NAV3: variants seen among roughly 807,000 people sequenced by gnomAD.
NAV3 encodes the protein pore membrane and/or filament interacting like protein 1.
A neutral mutation model predicts 244.7 loss-of-function variants in NAV3; 87 were observed. That is an observed-to-expected ratio of 0.36 (90% CI 0.30 to 0.42). The LOEUF (loss-of-function observed/expected upper bound fraction) is 0.42, where lower values mean the gene tolerates loss of function less well. Ranked by LOEUF, NAV3 falls within the 20% of genes least tolerant of loss-of-function variation. The pLI, the probability that NAV3 is intolerant of heterozygous loss-of-function variation, is 1.00. For synonymous variants in NAV3, 1,126 were observed against 1,042.2 expected, an observed-to-expected ratio of 1.08 and a Z score of -1.55; for missense variants, 2,663 against 2,893.3, an observed-to-expected ratio of 0.92 and a Z score of 1.83.
At chr12:77,988,344 A>C (rs547217112) in intron 5 of NAV3, among the ~76,000 whole-genome samples, 1 of 152,306 alleles carries the variant, frequency 6.6e-6, no homozygotes, top group African/African-American at 2.4e-5. Context: ...TTACCTTAAA[A>C]AGCTTTCTTT....
Position 78,126,737 on chromosome 12 carries a change from G to A in NAV3, c.4239-430G>A, listed in dbSNP as rs147095662. Among the ~76,000 whole-genome samples, 363 of 152,204 alleles carry A rather than the reference G, an allele frequency of 2.4e-3. 3 individuals are homozygous for A. Among genetic ancestry groups the A allele is most frequent in the African/African-American group, 8.5e-3 (352 of 41,534 alleles). ...AAAATAATTTGAAGACAAAAGATAA[G>A]TATTAAACAATGTTTTATACCATCT... On this transcript the variant is annotated intron_variant, in intron 16 of 39. Transcript: ENST00000397909.
intron 12 of NAV3, among the ~76,000 whole-genome samples, chr12:78,115,857 G>A (rs1376230293): frequency 6.6e-6 from 1 of 152,114 alleles, no homozygotes; most frequent in African/African-American, 2.4e-5. Context: ...ACTCTATGAT[G>A]TTCTCACAAT....
At chr12:77,590,164 T>C (rs1052882729) in intron 2 of NAV3, among the ~76,000 whole-genome samples, 94 of 143,746 alleles carry the variant, frequency 6.5e-4, no homozygotes, top group Non-Finnish European at 7.5e-4. Context: ...GGAACCCCAG[T>C]AGAGGCTGTG....
rs137984656 is a variant in NAV3, at chr12:77,651,437, G to A, written c.72+79171G>A. Among the ~76,000 whole-genome samples, 490 of 151,830 alleles carry A rather than the reference G, an allele frequency of 3.2e-3. 23 individuals are homozygous for A. The highest frequency in any genetic ancestry group is 0.03 in the Admixed American group (455 of 15,232). ...TCCCGTGCCTTTTTTTTCTTCAACA[G>A]CTCTTACTGCTTATATGAATGATGA... On this transcript the variant is annotated intron_variant, in intron 2 of 8. Coordinates refer to the NAV3 transcript ENST00000550042.
At position 77,977,712 on chromosome 12, in the gene NAV3, GCACACACACACACACACA is replaced by G. The variant is rs540138192; in HGVS notation, c.671+9022_671+9039del. Among the ~76,000 whole-genome samples, 206 of 143,082 alleles carry G rather than the reference GCACACACACACACACACA, an allele frequency of 1.4e-3. 2 individuals carry two copies. The highest frequency in any genetic ancestry group is 5.0e-3 in the African/African-American group (196 of 39,260). 93.9% of individuals were successfully genotyped at this position (143,082 alleles called of 152,430 possible). A position where few individuals can be genotyped will look rare whatever the true frequency, so the allele number is the denominator to read the frequency against. ...TATACACACACACACACACACACGCGCACACACACACACACACACACACACACACTCTCTTCAGAATCA... is the reference window on the plus strand; with the variant it reads ...TATACACACACACACACACACACGCGCACACACACACTCTCTTCAGAATCA... On this transcript the variant is annotated intron_variant, in intron 5 of 39. Transcript: ENST00000397909.
rs552109153 is a variant in NAV3 at position 77,994,827 on chromosome 12, G to A, written c.696G>A (p.Gln232=). The A allele has an allele frequency of 1.9e-6, 3 of 1,611,100 alleles. No homozygotes were observed. Among genetic ancestry groups the A allele is most frequent in the Non-Finnish European group, 2.5e-6 (3 of 1,178,492 alleles). ...QSSLAARYAT[Q]SNHSGIATSQ... ...GTCTGGCAGCCAGATATGCAACTCA[G>A]TCTAATCACAGTGGAATTGCAACCA... Residue 232 remains glutamine (Q), a synonymous_variant, in exon 6 of 40, where the codon CAG becomes CAA. Transcript: ENST00000397909.
intron 1 of NAV3, among the ~76,000 whole-genome samples, chr12:77,935,760 C>T (rs1889262927): frequency 6.6e-6 from 1 of 152,102 alleles, no homozygotes; most frequent in Non-Finnish European, 1.5e-5. Flanking sequence ...GGTAGCATGG[C>T]TGGGGAGGCC....
intron 1 of NAV3, among the ~76,000 whole-genome samples, chr12:77,843,626 C>G (rs1309872628): frequency 1.3e-5 from 2 of 150,754 alleles, no homozygotes; most frequent in African/African-American, 4.9e-5. Context: ...TCAATATTAC[C>G]TAGAAGCCAC....
chr12:77,746,018 A>G (rs1411227444), intron 2 of NAV3, among the ~76,000 whole-genome samples: 2 of 150,262 alleles, frequency 1.3e-5, no homozygotes, highest in Admixed American at 6.7e-5. Context: ...GAACATGTCT[A>G]TCCTATAATC....
At chr12:77,899,021 G>T (rs1232471946) in intron 1 of NAV3, among the ~76,000 whole-genome samples, 1 of 152,320 alleles carries the variant, frequency 6.6e-6, no homozygotes, top group South Asian at 2.1e-4. Flanking sequence ...AAGAGCAAGA[G>T]AACTGAAATC....
intron 1 of NAV3, among the ~76,000 whole-genome samples, chr12:77,878,621 T>TATGG (rs1882180702): frequency 1.3e-5 from 2 of 151,664 alleles, no homozygotes; most frequent in Non-Finnish European, 2.9e-5. Context: ...GTACTGAGCA[T>TATGG]ATGGAAACTG....
chr12:78,041,864 C>T (rs577827297), intron 9 of NAV3, among the ~76,000 whole-genome samples: 58 of 152,156 alleles, frequency 3.8e-4, no homozygotes, highest in Non-Finnish European at 5.4e-4. Context: ...ATTATAGATA[C>T]GCATCTTGAC....
intron 1 of NAV3, among the ~76,000 whole-genome samples, chr12:77,888,392 G>A (rs1883544181): frequency 6.6e-6 from 1 of 152,068 alleles, no homozygotes; most frequent in Admixed American, 6.6e-5. Context: ...CAGGAGGATT[G>A]TTTTGGCCTA....
At chr12:78,039,284 A>T (rs1260442201) in intron 9 of NAV3, among the ~76,000 whole-genome samples, 1 of 152,130 alleles carries the variant, frequency 6.6e-6, no homozygotes, top group African/African-American at 2.4e-5. Flanking sequence ...TTACGACTCA[A>T]AATGGCCTCT....
chr12:77,807,724 G>C (rs1187909853), intron 2 of NAV3, among the ~76,000 whole-genome samples: 1 of 152,152 alleles, frequency 6.6e-6, no homozygotes, highest in Non-Finnish European at 1.5e-5. Context: ...ATGTTGGCCT[G>C]TCTTGCTAGG....
rs1200825836 is a variant in NAV3, at chr12:78,199,448, T to C, written c.6632T>C (p.Val2211Ala). 6.2e-7 allele frequency: 1 copy of C among 1,610,468 alleles called. No individual in the cohort carries two copies. The highest frequency in any genetic ancestry group is 1.7e-5 in the Admixed American group (1 of 59,058). Residue 2211 changes from valine (V) to alanine (A), a missense_variant, in exon 37 of 40, where the codon GTC becomes GCC. Val to Ala is a moderately conservative substitution (Grantham distance 64). Around this residue, in one of 6 missense-constraint regions of NAV3, gnomAD observed 543 missense variants for 672.4 expected, o/e 0.81. Transcript: ENST00000397909. ...IERNIRNNDLVKIIDWIPKTW... is the reference protein window; with the variant it reads ...IERNIRNNDLAKIIDWIPKTW... ...AGGAACATTCGCAATAATGACCTAGTCAAAATTATAGATTGGATTCCGAAG... is the reference window on the plus strand; with the variant it reads ...AGGAACATTCGCAATAATGACCTAGCCAAAATTATAGATTGGATTCCGAAG...
At chr12:77,716,786 C>T (rs1407599465) in intron 2 of NAV3, among the ~76,000 whole-genome samples, 2 of 151,812 alleles carry the variant, frequency 1.3e-5, no homozygotes. Context: ...ATTTTTATGC[C>T]TTATTTTCTT....
At chr12:77,998,268 T>G in intron 6 of NAV3, 69 bp from the exon 7 acceptor site, 3 of 1,220,322 alleles carry the variant, frequency 2.5e-6, no homozygotes, top group Non-Finnish European at 3.3e-6. Flanking sequence ...TTTCTGACTT[T>G]CAGCACCTCC....
At chr12:77,693,443 TC>T (rs1200482168) in intron 2 of NAV3, among the ~76,000 whole-genome samples, 1 of 151,876 alleles carries the variant, frequency 6.6e-6, no homozygotes, top group African/African-American at 2.4e-5. Flanking sequence ...AACATCCCTA[TC>T]TAGTATCAGT....
Sources: gnomAD v4.1 joint callset for allele counts (sites outside exome capture counted in the v4.1 genomes callset) on GRCh38, gnomAD v4.1.1 for gene constraint, gnomAD v4.1.1 regional missense constraint, MANE v1.5 for transcripts, NCBI Gene and HGNC (gene_info 2026-07-23, HGNC 2026-07-21) for gene names.